Variants in TRERF1 observed in about 807,000 individuals in gnomAD.
The protein encoded by TRERF1 is transcriptional regulating factor 1, also known as transcriptional-regulating factor 1.
Under a neutral mutation model 122.9 loss-of-function variants are expected in TRERF1, and 27 were observed. That is an observed-to-expected ratio of 0.22 (90% confidence interval 0.16 to 0.30). TRERF1 has a LOEUF of 0.30. Ranked by LOEUF, TRERF1 falls within the 10% of genes least tolerant of loss-of-function variation. TRERF1 has a pLI of 1.00. For missense variants in TRERF1, 1,248 were observed against 1,560.3 expected (o/e 0.80, Z 3.37); for synonymous variants, 636 against 641.7 (o/e 0.99, Z 0.13).
intron 9 of TRERF1, 123 bp from the exon 10 acceptor site, chr6:42,258,324 G>A: frequency 1.2e-6 from 1 of 829,746 alleles, no homozygotes; most frequent in Non-Finnish European, 2.0e-6. Context: ...TCCTGCCAGA[G>A]TTATCCTTGA....
In TRERF1 at chr6:42,262,520, A is replaced by C. The variant is rs866591187; in HGVS notation, c.1884+800T>G. 1.1e-3 allele frequency among the ~76,000 whole-genome samples: 42 copies of C among 39,816 alleles called. 4 individuals carry two copies. The highest frequency in any genetic ancestry group is 7.0e-3 in the South Asian group (5 of 714). The allele number at this position is 39,816 out of a possible 152,430, so 26.1% of individuals were successfully genotyped here. The stretch of plus-strand genomic sequence containing the variant: ...GAGAGAGAGAGAGAGAGAGAGAGAG[A>C]GAGAGAGAGAGAGAGAGAGAGAGAG... On this transcript the variant is annotated intron_variant, in intron 8 of 17. Transcript: ENST00000372922.
intron 3 of TRERF1, among the ~76,000 whole-genome samples, chr6:42,361,525 G>A (rs1771766622): frequency 6.6e-6 from 1 of 152,078 alleles, no homozygotes; most frequent in African/African-American, 2.4e-5. Context: ...ATGAATTAAT[G>A]AGTGGCCTTG....
At chr6:42,356,261 G>A (rs1478917156) in intron 3 of TRERF1, among the ~76,000 whole-genome samples, 2 of 152,198 alleles carry the variant, frequency 1.3e-5, no homozygotes, top group African/African-American at 4.8e-5. Flanking sequence ...CGGACTGAAT[G>A]TTTCTCTTCC....
chr6:42,338,108 A>G (rs905352774), intron 3 of TRERF1, among the ~76,000 whole-genome samples: 1 of 152,184 alleles, frequency 6.6e-6, no homozygotes, highest in African/African-American at 2.4e-5. Flanking sequence ...CAGCTGGCTT[A>G]CATTTTTCTG....
chr6:42,227,313 G>A (rs1247458757), exon 18 of TRERF1: 1 of 152,238 alleles, frequency 6.6e-6, no homozygotes, highest in African/African-American at 2.4e-5. Context: ...CTTCAGTCCA[G>A]CGGATGTGAA....
chr6:42,277,295 C>T (rs889259070), intron 4 of TRERF1, among the ~76,000 whole-genome samples: 3 of 152,152 alleles, frequency 2.0e-5, no homozygotes, highest in Non-Finnish European at 4.4e-5. Context: ...GCTCCACCTC[C>T]AGGGCCCTGG....
chr6:42,408,231 GTGTGTGTATGTATATATACATACACA>G (rs1356051195), intron 2 of TRERF1, among the ~76,000 whole-genome samples: 4,404 of 86,314 alleles, frequency 0.051, 250 homozygotes, highest in African/African-American at 0.17. Context: ...ATATATATGT[GTGTGTGTATGTATATATACATACACA>G]TGTGTGTGTA....
chr6:42,261,001 G>A (rs1461104943), intron 8 of TRERF1, among the ~76,000 whole-genome samples: 1 of 152,096 alleles, frequency 6.6e-6, no homozygotes, highest in Non-Finnish European at 1.5e-5. Context: ...CGGCTCCAGA[G>A]TGAGGTTCCT....
intron 4 of TRERF1, among the ~76,000 whole-genome samples, chr6:42,298,541 A>G (rs1785492025): frequency 6.7e-6 from 1 of 150,308 alleles, no homozygotes. Context: ...GTGGTGGCTC[A>G]CGCCTGTAAT....
intron 4 of TRERF1, among the ~76,000 whole-genome samples, chr6:42,288,718 A>G (rs67905084): frequency 0.027 from 4,146 of 152,086 alleles, 57 homozygotes; most frequent in Non-Finnish European, 0.037. Flanking sequence ...GGTGCAGAAA[A>G]CTGTATTCCA....
chr6:42,334,488 C>T (rs1765795346), intron 3 of TRERF1, among the ~76,000 whole-genome samples: 1 of 152,154 alleles, frequency 6.6e-6, no homozygotes, highest in African/African-American at 2.4e-5. Flanking sequence ...TAGGGCAAGT[C>T]GTGGTGATAT....
rs368610494 is a variant in TRERF1, at chr6:42,232,653, G to C, written c.3278+28C>G. 2 of 1,554,518 alleles carry C rather than the reference G, an allele frequency of 1.3e-6. No homozygotes were observed. The highest frequency in any genetic ancestry group is 1.7e-6 in the Non-Finnish European group (2 of 1,143,322). On this transcript the variant is annotated intron_variant, in intron 17 of 17. Coordinates refer to ENST00000372922, the Ensembl canonical transcript of TRERF1. The surrounding 1 kb of genome is among the most constrained non-coding windows in gnomAD (Gnocchi z 4.5). ...AGAGCGACTACCCATCATGAACTCAGATTCAGTCCCCGGTCCCCTGCACCT... is the reference window on the plus strand; with the variant it reads ...AGAGCGACTACCCATCATGAACTCACATTCAGTCCCCGGTCCCCTGCACCT...
At chr6:42,444,337 C>G (rs939718416) in intron 2 of TRERF1, among the ~76,000 whole-genome samples, 1 of 152,134 alleles carries the variant, frequency 6.6e-6, no homozygotes, top group Non-Finnish European at 1.5e-5. Flanking sequence ...TAACTGAAGA[C>G]TCTTTTCTCC....
chr6:42,356,644 G>A (rs565462811), intron 3 of TRERF1, among the ~76,000 whole-genome samples: 4 of 152,182 alleles, frequency 2.6e-5, no homozygotes, highest in African/African-American at 9.6e-5. Flanking sequence ...GCACAGTCTC[G>A]GCTCACTGCA....
intron 2 of TRERF1, among the ~76,000 whole-genome samples, chr6:42,389,795 T>C (rs1471517084): frequency 6.6e-6 from 1 of 152,166 alleles, no homozygotes; most frequent in Non-Finnish European, 1.5e-5. Flanking sequence ...CAGAACTAAC[T>C]CAACCTGAGT....
At chr6:42,333,998 TACACAC>T (rs3997687) in intron 3 of TRERF1, among the ~76,000 whole-genome samples, 13,330 of 147,136 alleles carry the variant, frequency 0.091, 884 homozygotes, top group African/African-American at 0.19. Context: ...ACACATACAC[TACACAC>T]ACACACACAC....
At chr6:42,282,308 G>A (rs1782436109) in intron 4 of TRERF1, among the ~76,000 whole-genome samples, 1 of 152,228 alleles carries the variant, frequency 6.6e-6, no homozygotes, top group Non-Finnish European at 1.5e-5. Context: ...AGCACTTTGG[G>A]AGGATGAGGC....
At chr6:42,391,365 A>G (rs1231297614) in intron 2 of TRERF1, among the ~76,000 whole-genome samples, 1 of 152,176 alleles carries the variant, frequency 6.6e-6, no homozygotes. Context: ...CTGGCTCTTA[A>G]ATGCCTAGGG....
At position 42,232,547 on chromosome 6, in the gene TRERF1, G is replaced by A; in HGVS notation, c.3278+134C>T. 1 of 1,188,988 alleles carries A rather than the reference G, an allele frequency of 8.4e-7. No individual in the cohort carries two copies. Among genetic ancestry groups the A allele is most frequent in the Non-Finnish European group, 1.1e-6 (1 of 871,446 alleles). 73.7% of individuals were successfully genotyped at this position (1,188,988 alleles called of 1,614,324 possible). A position where few individuals can be genotyped will look rare whatever the true frequency, so the allele number is the denominator to read the frequency against. ...AACAGGACTACATACCCATCCCAAA[G>A]ATGACACGAAGAAGAGTTTTGAGGT... On this transcript the variant is annotated intron_variant, in intron 17 of 17. Transcript: ENST00000372922. This position sits in a 1 kb window ranked among gnomAD's most constrained non-coding sequence, Gnocchi z 4.5.
Sources: allele counts gnomAD v4.1 joint callset (sites outside exome capture counted in the v4.1 genomes callset), GRCh38; gene constraint gnomAD v4.1.1; non-coding constraint Gnocchi (gnomAD v3.1); transcripts MANE v1.5; gene names NCBI Gene and HGNC (gene_info 2026-07-23, HGNC 2026-07-21).